CNTNAP5: variants seen among roughly 807,000 people sequenced by gnomAD.
CNTNAP5 encodes contactin associated protein family member 5.
A neutral mutation model predicts 150.2 loss-of-function variants in CNTNAP5; 72 were observed. That is an observed-to-expected ratio of 0.48 (90% CI 0.40 to 0.58). The LOEUF is 0.58. Ranked by LOEUF, CNTNAP5 falls within the 20% of genes least tolerant of loss-of-function variation. The pLI, the probability that CNTNAP5 is intolerant of heterozygous loss-of-function variation, is 0.00. For synonymous variants in CNTNAP5, 672 were observed against 619.8 expected, an observed-to-expected ratio of 1.08 and a Z score of -1.25; for missense variants, 1,636 against 1,626.2, an observed-to-expected ratio of 1.01 and a Z score of -0.10.
intron 19 of CNTNAP5, among the ~76,000 whole-genome samples, chr2:124,816,426 A>C (rs1682362347): frequency 6.6e-6 from 1 of 150,690 alleles, no homozygotes; most frequent in African/African-American, 2.4e-5. Flanking sequence ...CACCTCCCAA[A>C]GGCCACGAAA....
chr2:124,431,769 T>C (rs1476182375), intron 4 of CNTNAP5, among the ~76,000 whole-genome samples: 1 of 151,176 alleles, frequency 6.6e-6, no homozygotes, highest in Non-Finnish European at 1.5e-5. Flanking sequence ...CTCACTGCTT[T>C]CTTATAATCA....
chr2:124,393,299 G>C (rs1691166893), intron 3 of CNTNAP5, among the ~76,000 whole-genome samples: 1 of 152,052 alleles, frequency 6.6e-6, no homozygotes, highest in Non-Finnish European at 1.5e-5. Context: ...ATTTTTGAGA[G>C]TCCCCAGTGA....
intron 4 of CNTNAP5, among the ~76,000 whole-genome samples, chr2:124,431,138 T>C (rs1440107133): frequency 6.6e-6 from 1 of 152,162 alleles, no homozygotes; most frequent in Non-Finnish European, 1.5e-5. Context: ...GGCTTAGTTT[T>C]CTCTAGGTCT....
In CNTNAP5 at chr2:124,749,916, C is replaced by T. The variant is rs531637562; in HGVS notation, c.2234+2531C>T. 1.4e-3 allele frequency among the ~76,000 whole-genome samples: 220 copies of T among 152,256 alleles called. 1 individual carries two copies. The highest frequency in any genetic ancestry group is 0.01 in the Admixed American group (159 of 15,284). ...TATATCCCTTAATTGGGCTGAAGGG[C>T]TCTGTGTCTCCTTTCCTAAAACTTT... On this transcript the variant is annotated intron_variant, in intron 14 of 23. Coordinates refer to ENST00000682447, the MANE Select transcript of CNTNAP5 (RefSeq NM_001367498.1).
intron 1 of CNTNAP5, among the ~76,000 whole-genome samples, chr2:124,102,499 T>C (rs1683086507): frequency 6.6e-6 from 1 of 152,102 alleles, no homozygotes; most frequent in Admixed American, 6.6e-5. Context: ...AGTCACTCAA[T>C]CTCTTTGGAG....
At chr2:124,612,907 G>A (rs528383040) in intron 12 of CNTNAP5, among the ~76,000 whole-genome samples, 1 of 152,158 alleles carries the variant, frequency 6.6e-6, no homozygotes, top group Non-Finnish European at 1.5e-5. Flanking sequence ...ACAAAAATTA[G>A]CCAGGTATTG....
intron 18 of CNTNAP5, among the ~76,000 whole-genome samples, chr2:124,796,167 A>G (rs1224073483): frequency 6.6e-6 from 1 of 152,228 alleles, no homozygotes; most frequent in Non-Finnish European, 1.5e-5. Flanking sequence ...GGCTGGAGGA[A>G]GAGTGACAAC....
chr2:124,891,377 A>G (rs1678191686), intron 21 of CNTNAP5, among the ~76,000 whole-genome samples: 1 of 152,104 alleles, frequency 6.6e-6, no homozygotes, highest in South Asian at 2.1e-4. Flanking sequence ...ATAATTTTCA[A>G]TGTGTTCTAG....
In CNTNAP5 at chr2:124,772,968, G is replaced by A. The variant is rs373365049; in HGVS notation, c.2703G>A (p.Thr901=). 5.4e-5 allele frequency: 87 copies of A among 1,613,606 alleles called. No individual in the cohort carries two copies. The highest frequency in any genetic ancestry group is 1.7e-4 in the Middle Eastern group (1 of 5,976). The part of the protein sequence containing the change: ...VDNLPRSTRE[T]SEEGHFRLQL... ...ACCTTCCAAGGAGCACCAGGGAGAC[G>A]TCGGAGGAGGGCCATTTTCGACTGC... The change falls in exon 17 of 24, where the codon ACG becomes ACA. Residue 901 remains threonine (T), a synonymous_variant. Transcript: ENST00000682447.
chr2:124,661,400 C>T (rs989279023), intron 13 of CNTNAP5, among the ~76,000 whole-genome samples: 3 of 151,940 alleles, frequency 2.0e-5, no homozygotes, highest in Non-Finnish European at 2.9e-5. Flanking sequence ...ACATACTAAA[C>T]TGGGCCCGCA....
At chr2:124,734,282 A>C (rs1427429334) in intron 13 of CNTNAP5, among the ~76,000 whole-genome samples, 2 of 152,072 alleles carry the variant, frequency 1.3e-5, no homozygotes, top group Non-Finnish European at 2.9e-5. Flanking sequence ...GAGAATGAAG[A>C]GAGGAAAAAT....
intron 3 of CNTNAP5, among the ~76,000 whole-genome samples, chr2:124,280,159 C>T (rs904992491): frequency 4.0e-5 from 6 of 151,248 alleles, no homozygotes; most frequent in Non-Finnish European, 8.8e-5. Context: ...TATATATATA[C>T]ATATATATAC....
At chr2:124,158,180 T>C (rs944424579) in intron 1 of CNTNAP5, among the ~76,000 whole-genome samples, 4 of 152,194 alleles carry the variant, frequency 2.6e-5, no homozygotes, top group African/African-American at 9.6e-5. Flanking sequence ...ATTTGGCCTT[T>C]TCTATTACTG....
intron 19 of CNTNAP5, among the ~76,000 whole-genome samples, chr2:124,819,625 G>A (rs1042766515): frequency 3.3e-5 from 5 of 152,100 alleles, no homozygotes; most frequent in African/African-American, 1.2e-4. Flanking sequence ...AGATGTGTTT[G>A]AATGATTTCA....
chr2:124,109,357 A>G (rs1177056280), intron 1 of CNTNAP5, among the ~76,000 whole-genome samples: 1 of 152,112 alleles, frequency 6.6e-6, no homozygotes, highest in Non-Finnish European at 1.5e-5. Context: ...GGCGAGGCCC[A>G]GGCACACACA....
intron 22 of CNTNAP5, among the ~76,000 whole-genome samples, chr2:124,908,595 C>T (rs1002342445): frequency 2.0e-5 from 3 of 151,994 alleles, no homozygotes; most frequent in Admixed American, 1.3e-4. Flanking sequence ...ACGCCTTATC[C>T]ACATGTTTGT....
intron 1 of CNTNAP5, among the ~76,000 whole-genome samples, chr2:124,040,268 A>G (rs1191749200): frequency 1.3e-5 from 2 of 152,122 alleles, no homozygotes; most frequent in East Asian, 1.9e-4. Flanking sequence ...TCGGCTTGAC[A>G]TTTCAATACC....
intron 1 of CNTNAP5, among the ~76,000 whole-genome samples, chr2:124,197,343 T>C (rs1183361199): frequency 6.6e-6 from 1 of 152,230 alleles, no homozygotes; most frequent in Non-Finnish European, 1.5e-5. Flanking sequence ...GATTTTAAAC[T>C]TCATATAAAT....
Position 124,464,095 on chromosome 2 carries a change from G to A in CNTNAP5, c.919-10644G>A, listed in dbSNP as rs551028848. Among the ~76,000 whole-genome samples, 76 of 152,230 alleles carry A rather than the reference G, an allele frequency of 5.0e-4. 1 individual carries two copies. The highest frequency in any genetic ancestry group is 1.0e-3 in the Non-Finnish European group (71 of 68,014). The stretch of plus-strand genomic sequence containing the variant: ...AAACAATACTTTGAGAGAGTGCCCA[G>A]GGTTGAACAAGAGAGACAAAATCCA... On this transcript the variant is annotated intron_variant, in intron 6 of 23. Coordinates refer to ENST00000682447, the MANE Select transcript of CNTNAP5 (RefSeq NM_001367498.1).
Sources: gnomAD v4.1 joint callset for allele counts (sites outside exome capture counted in the v4.1 genomes callset) on GRCh38, gnomAD v4.1.1 for gene constraint, MANE v1.5 for transcripts, NCBI Gene and HGNC (gene_info 2026-07-23, HGNC 2026-07-21) for gene names.